The following SCO2 variants were observed in gnomAD, a reference collection of about 807,000 sequenced individuals.
SCO2 encodes the protein cytochrome c oxidase assembly factor SCO2.
For synonymous variants in SCO2, 195 were observed against 148.6 expected, an observed-to-expected ratio of 1.31 and a Z score of -2.27; for missense variants, 429 against 348.7, an observed-to-expected ratio of 1.23 and a Z score of -1.83.
chr22:50,524,606 C>G (rs1046976328), intron 1 of SCO2, 182 bp from the exon 2 acceptor site: 3 of 716,750 alleles, frequency 4.2e-6, no homozygotes, highest in Non-Finnish European at 7.8e-6. Flanking sequence ...CACACCTGGG[C>G]AACCACACCT....
intron 1 of SCO2, among the ~76,000 whole-genome samples, chr22:50,525,161 C>T (rs2148674585): frequency 6.6e-6 from 1 of 152,348 alleles, no homozygotes; most frequent in East Asian, 1.9e-4. Flanking sequence ...GGCACCCTCC[C>T]GAGGACTCAC....
At chr22:50,526,000 C>T (rs1064792878), upstream of SCO2, 10 of 1,432,820 alleles carry the variant, frequency 7.0e-6, no homozygotes, top group Non-Finnish European at 8.2e-6. Flanking sequence ...GCGGCGCTCA[C>T]CACGGCGCAG....
rs75485962 is a variant in SCO2, at chr22:50,524,085, G to C, written c.327C>G (p.His109Gln). 20 of 1,613,020 alleles carry C rather than the reference G, an allele frequency of 1.2e-5. No homozygotes were observed. Among genetic ancestry groups the C allele is most frequent in the South Asian group, 9.9e-5 (9 of 91,092 alleles). The stretch of plus-strand genomic sequence containing the variant: ...CAGCCTTGCAGCGAGCCCGGCCTCT[G>C]TGATCCAGCAGGTGGAAGTCGCCCT... ...VGQGDFHLLD[H>Q]RGRARCKADF... is the part of the protein sequence containing the mutation. Residue 109 changes from histidine (H) to glutamine (Q), a missense_variant, in exon 2 of 2, where the codon CAC becomes CAG. His to Gln is a conservative substitution (Grantham distance 24, BLOSUM62 0). Transcript: ENST00000395693.
chr22:50,525,892 C>G (rs754924121), upstream of SCO2: 21 of 1,570,052 alleles, frequency 1.3e-5, no homozygotes, highest in South Asian at 1.9e-4. Context: ...GCGGGGCCGT[C>G]CCGGTGCACG....
At position 50,524,075 on chromosome 22, in the gene SCO2, C is replaced by G; in HGVS notation, c.337G>C (p.Ala113Pro). The change falls in exon 2 of 2, where the codon GCT becomes CCT. Residue 113 changes from alanine (A) to proline (P), a missense_variant. Transcript: ENST00000395693. Reference sequence around the variant, plus strand: ...CCCCGGAAGTCAGCCTTGCAGCGAGCCCGGCCTCTGTGATCCAGCAGGTGG... The same window carrying G: ...CCCCGGAAGTCAGCCTTGCAGCGAGGCCGGCCTCTGTGATCCAGCAGGTGG... ...DFHLLDHRGRARCKADFRGQW... is the reference protein window; with the variant it reads ...DFHLLDHRGRPRCKADFRGQW... 1 of 1,613,232 alleles carries G rather than the reference C, an allele frequency of 6.2e-7. No individual in the cohort carries two copies. The highest frequency in any genetic ancestry group is 1.3e-5 in the African/African-American group (1 of 75,046).
Position 50,524,443 on chromosome 22 carries a change from G to T in SCO2, c.-13-19C>A. ...GATGCTCCTGGAAACAAGCACAGGC[G>T]TCAGGAGCCAGAAGGGAAGGCCCAG... On this transcript the variant is annotated intron_variant, in intron 1 of 1. Coordinates refer to ENST00000395693, the MANE Select transcript of SCO2 (RefSeq NM_005138.3). 2 of 1,606,632 alleles carry T rather than the reference G, an allele frequency of 1.2e-6. No individual in the cohort carries two copies. The highest frequency in any genetic ancestry group is 1.1e-5 in the South Asian group (1 of 90,470).
upstream of SCO2, chr22:50,525,673 CG>C (rs2069319811): frequency 6.5e-7 from 1 of 1,531,588 alleles, no homozygotes; most frequent in African/African-American, 1.4e-5. Context: ...CGGAGCCCGC[CG>C]GGGGTCACGT....
chr22:50,525,079 C>T, intron 1 of SCO2, among the ~76,000 whole-genome samples: 1 of 152,360 alleles, frequency 6.6e-6, no homozygotes, highest in South Asian at 2.1e-4. Flanking sequence ...TTGAGCCTTT[C>T]CCACGGGCCC....
chr22:50,525,855 A>G (rs2069333163), upstream of SCO2: 3 of 1,603,352 alleles, frequency 1.9e-6, no homozygotes, highest in Non-Finnish European at 2.6e-6. Flanking sequence ...CGCCTCCTGC[A>G]GGGCGCGGCT....
At chr22:50,525,032 GCTCA>G (rs974549490) in intron 1 of SCO2, among the ~76,000 whole-genome samples, 6 of 152,200 alleles carry the variant, frequency 3.9e-5, no homozygotes, top group African/African-American at 1.4e-4. Context: ...GCTCCTCCGG[GCTCA>G]CAGCCGACGC....
chr22:50,525,901 C>T (rs747938170), upstream of SCO2: 13 of 1,556,398 alleles, frequency 8.4e-6, no homozygotes, highest in African/African-American at 1.4e-5. Context: ...TCCCGGTGCA[C>T]GCGGAGCCAG....
At chr22:50,525,934 C>CT (rs1216115088), upstream of SCO2, 1 of 1,440,506 alleles carries the variant, frequency 6.9e-7, no homozygotes, top group Non-Finnish European at 9.1e-7. Context: ...GAGCGAGGGG[C>CT]TGTTAGAGGC....
chr22:50,525,359 CGCCCT>C (rs2069299427), intron 1 of SCO2, 108 bp downstream of exon 1: 1 of 263,858 alleles, frequency 3.8e-6, no homozygotes, highest in Non-Finnish European at 7.4e-6. Context: ...GCCTCCAGCG[CGCCCT>C]GGGGTGTGCC....
chr22:50,526,109 C>G (rs1189525116), upstream of SCO2: 2 of 1,489,242 alleles, frequency 1.3e-6, no homozygotes, highest in Admixed American at 2.2e-5. Context: ...AGCACCAGCG[C>G]CAGCGGCAGC....
upstream of SCO2, chr22:50,525,912 G>C (rs1266406009): frequency 6.5e-7 from 1 of 1,537,582 alleles, no homozygotes; most frequent in African/African-American, 1.4e-5. Context: ...GCGGAGCCAG[G>C]GGGTCCCTGC....
chr22:50,525,503 G>A lies in SCO2; in HGVS notation c.-45C>T, dbSNP rs984305519. ...GCGGGGCCGCGCGTCAGTGGACCAA[G>A]CACGAGAGGAAGCGCCGACCTCCAG... On this transcript the variant is annotated 5_prime_UTR_variant, in exon 1 of 2. Coordinates refer to ENST00000395693, the MANE Select transcript of SCO2 (RefSeq NM_005138.3). The A allele has an allele frequency of 1.8e-6, 1 of 544,026 alleles. No homozygotes were observed. The highest frequency in any genetic ancestry group is 2.1e-5 in the South Asian group (1 of 47,022). 33.7% of individuals were successfully genotyped at this position (544,026 alleles called of 1,614,324 possible).
At chr22:50,526,361 C>T (rs886057633), upstream of SCO2, 3 of 1,545,100 alleles carry the variant, frequency 1.9e-6, no homozygotes, top group South Asian at 1.2e-5. Flanking sequence ...CGCCCTGCGC[C>T]GCCAGCATCC....
rs75485962 is a variant in SCO2, at chr22:50,524,085, G to A, written c.327C>T (p.His109=). ...VGQGDFHLLD[H]RGRARCKADF... ...CAGCCTTGCAGCGAGCCCGGCCTCT[G>A]TGATCCAGCAGGTGGAAGTCGCCCT... Residue 109 remains histidine, a synonymous_variant, in exon 2 of 2, where the codon CAC becomes CAT. Coordinates refer to ENST00000395693, the MANE Select transcript of SCO2 (RefSeq NM_005138.3). 8,928 of 1,613,126 alleles carry A rather than the reference G, an allele frequency of 5.5e-3. 340 individuals are homozygous for A. The African/African-American group carries it at 0.093, about 17-fold the overall frequency.
At position 50,523,905 on chromosome 22, in the gene SCO2, G is replaced by T; in HGVS notation, c.507C>A (p.Pro169=). ...CCATGGCTTCAACGTCGTCCCGCTCGGGGTCCACAGTGATGAAGACAGGCT... is the reference window on the plus strand; with the variant it reads ...CCATGGCTTCAACGTCGTCCCGCTCTGGGTCCACAGTGATGAAGACAGGCT... ...PVQPVFITVD[P]ERDDVEAMAR... is the part of the protein sequence containing the mutation. Residue 169 remains proline (P), a synonymous_variant, in exon 2 of 2, where the codon CCC becomes CCA. Transcript: ENST00000395693. 6.2e-7 allele frequency: 1 copy of T among 1,613,694 alleles called. No individual in the cohort carries two copies. Among genetic ancestry groups the T allele is most frequent in the Non-Finnish European group, 8.5e-7 (1 of 1,179,936 alleles).
Sources: allele counts gnomAD v4.1 joint callset (sites outside exome capture counted in the v4.1 genomes callset), GRCh38; gene constraint gnomAD v4.1.1; transcripts MANE v1.5; gene names NCBI Gene and HGNC (gene_info 2026-07-23, HGNC 2026-07-21).